Variants in PKD1 observed in about 807,000 individuals in gnomAD.
PKD1 encodes polycystin-1.
A neutral mutation model predicts 361.7 loss-of-function variants in PKD1; 81 were observed. The observed-to-expected ratio is 0.22, with a 90% confidence interval of 0.19 to 0.27. The LOEUF (loss-of-function observed/expected upper bound fraction) is 0.27. PKD1 is among the 10% of genes least tolerant of loss of function. The pLI is 1.00. For synonymous variants in PKD1, 3,615 were observed against 2,818.3 expected, an observed-to-expected ratio of 1.28 and a Z score of -8.95; for missense variants, 6,399 against 6,118.3, an observed-to-expected ratio of 1.05 and a Z score of -1.53.
chr16:2,112,321 T>C lies in PKD1; in HGVS notation c.3295+19A>G, dbSNP rs2092535572. 1 of 1,582,216 alleles carries C rather than the reference T, an allele frequency of 6.3e-7. No homozygotes were observed. The highest frequency in any genetic ancestry group is 8.5e-7 in the Non-Finnish European group (1 of 1,170,768). On this transcript the variant is annotated intron_variant, in intron 14 of 45. Coordinates refer to ENST00000262304, the MANE Select transcript of PKD1 (RefSeq NM_001009944.3). ...CAGAGCCTGAAAGGCAGTGGCCCCC[T>C]CACCCCCTCATCCCTCACCTGGGGC...
At position 2,110,097 on chromosome 16, in the gene PKD1, G is replaced by A. The variant is rs183090717; in HGVS notation, c.5070C>T (p.Ala1690=). 9.7e-5 allele frequency: 156 copies of A among 1,609,612 alleles called. No homozygotes were observed. Among genetic ancestry groups the A allele is most frequent in the Non-Finnish European group, 1.2e-4 (137 of 1,179,394 alleles). ...CCCGCAGCTGCACATGGTAGGTGCC[G>A]GCCTCGAGCACGGTGAGCGAGAAGC... The part of the protein sequence containing the change: ...GKGFSLTVLE[A]GTYHVQLRAT... Residue 1690 remains alanine, a synonymous_variant, in exon 15 of 46, where the codon GCC becomes GCT. Transcript: ENST00000262304.
chr16:2,124,469 A>G (rs529789357), intron 1 of PKD1, among the ~76,000 whole-genome samples: 1 of 152,316 alleles, frequency 6.6e-6, no homozygotes, highest in East Asian at 1.9e-4. Flanking sequence ...TCTGCCCCAC[A>G]GGCGCTCCTG....
chr16:2,110,682 G>A lies in PKD1; in HGVS notation c.4485C>T (p.Pro1495=), dbSNP rs578064441. 2.9e-5 allele frequency: 46 copies of A among 1,610,308 alleles called. No individual in the cohort carries two copies. Among genetic ancestry groups the A allele is most frequent in the Middle Eastern group, 2.3e-4 (1 of 4,442 alleles). ...CCCCCAGATCCCACAGGTAGCTGGC[G>A]GGGCGCCCACGGCCCACAGCAGAGA... ...YLFSAVGRGR[P]ASYLWDLGDG... Residue 1495 remains proline (P), a synonymous_variant, in exon 15 of 46, where the codon CCC becomes CCT. Transcript: ENST00000262304.
Position 2,109,126 on chromosome 16 carries a change from T to C in PKD1, c.6041A>G (p.Gln2014Arg), listed in dbSNP as rs562416414. The change falls in exon 15 of 46, where the codon CAG becomes CGG. Residue 2014 changes from glutamine to arginine, a missense_variant. Physicochemically the swap from Gln to Arg is conservative, Grantham distance 43. Transcript: ENST00000262304. Reference protein sequence around the residue: ...YAWYFSLQKVQGDSLVILSGR... With the variant: ...YAWYFSLQKVRGDSLVILSGR... ...CGACAGGATGACCAGCGAGTCGCCC[T>C]GGACCTTCTGCAGCGAGAAGTACCA... 2.0e-5 allele frequency: 32 copies of C among 1,603,270 alleles called. No individual in the cohort carries two copies. The African/African-American group carries it at 3.5e-4, about 17-fold the overall frequency.
chr16:2,127,056 C>G (rs2092808339), intron 1 of PKD1, among the ~76,000 whole-genome samples: 1 of 152,054 alleles, frequency 6.6e-6, no homozygotes, highest in South Asian at 2.1e-4. Flanking sequence ...TCAGAAGAGC[C>G]AACAGAAAGC....
chr16:2,093,011 C>A lies in PKD1; in HGVS notation c.11099G>T (p.Arg3700Leu), dbSNP rs141668965. 4 of 1,612,850 alleles carry A rather than the reference C, an allele frequency of 2.5e-6. No individual in the cohort carries two copies. The highest frequency in any genetic ancestry group is 3.4e-6 in the Non-Finnish European group (4 of 1,180,010). The change falls in exon 38 of 46, where the codon CGT becomes CTT. Residue 3700 changes from arginine (R) to leucine (L), a missense_variant. By Grantham distance (102) the Arg-to-Leu change is moderately radical. Transcript: ENST00000262304. The stretch of plus-strand genomic sequence containing the variant: ...CTCCTGCTTGATGGCGCTTTGCAGA[C>A]GGTAGGCGTGCCCATGGCATGAGGC... ...GDASCHGHAY[R>L]LQSAIKQELH...
intron 1 of PKD1, among the ~76,000 whole-genome samples, chr16:2,121,494 G>GA (rs1173198276): frequency 6.6e-6 from 1 of 152,164 alleles, no homozygotes; most frequent in Non-Finnish European, 1.5e-5. Flanking sequence ...ACAGCCGTAG[G>GA]AAAAACATCC....
At chr16:2,091,623 G>A (rs757941153) in intron 41 of PKD1, 26 bp from the exon 42 acceptor site, 17 of 1,562,664 alleles carry the variant, frequency 1.1e-5, no homozygotes, top group Non-Finnish European at 1.5e-5. Context: ...GGGTCAGTAG[G>A]AGCGGGTGGC....
At position 2,106,002 on chromosome 16, in the gene PKD1, C is replaced by G. The variant is rs1426305997; in HGVS notation, c.7726G>C (p.Glu2576Gln). Residue 2576 changes from glutamate (E) to glutamine (Q), a missense_variant, in exon 20 of 46, where the codon GAG becomes CAG. Transcript: ENST00000262304. The surrounding 1 kb of genome is among the most constrained non-coding windows in gnomAD (Gnocchi z 6.5). ...AGCCCCGTTGCGCTGCCGTTGGGCT[C>G]TGGGAGGGTGATGGCCAAAGACCTA... The part of the protein sequence containing the change: ...LNRSLAITLP[E>Q]PNGSATGLTV... The G allele has an allele frequency of 6.9e-6, 11 of 1,605,200 alleles. No individual in the cohort carries two copies. The highest frequency in any genetic ancestry group is 9.3e-6 in the Non-Finnish European group (11 of 1,179,636).
At chr16:2,093,349 TG>T in intron 37 of PKD1, 194 bp downstream of exon 37, 1 of 684,060 alleles carries the variant, frequency 1.5e-6, no homozygotes, top group Non-Finnish European at 2.5e-6. Flanking sequence ...GCATTGGAGC[TG>T]GGCCCTGGCA....
chr16:2,135,318 C>A, intron 1 of PKD1, 157 bp downstream of exon 1: 2 of 985,342 alleles, frequency 2.0e-6, no homozygotes, highest in Non-Finnish European at 1.2e-6. Context: ...AACCGCGGCT[C>A]CAGGCGTTCC....
At chr16:2,097,074 G>T in intron 34 of PKD1, 74 bp downstream of exon 34, 1 of 1,115,476 alleles carries the variant, frequency 9.0e-7, no homozygotes, top group Non-Finnish European at 1.3e-6. Context: ...CCCCAGGCGG[G>T]AACCACGGCT....
Position 2,107,789 on chromosome 16 carries a change from G to A in PKD1, c.7065+94C>T, listed in dbSNP as rs1267854152. On this transcript the variant is annotated intron_variant, in intron 16 of 45. Transcript: ENST00000262304. The stretch of plus-strand genomic sequence containing the variant: ...ATCAGAAACAGAGAGGGGAGAGCGT[G>A]CGGCCTCCACCAGCACTAAAACACG... 3 of 1,196,066 alleles carry A rather than the reference G, an allele frequency of 2.5e-6. No individual in the cohort carries two copies. In the African/African-American group the frequency reaches 4.5e-5, roughly 18 times the overall value. 74.1% of individuals were successfully genotyped at this position (1,196,066 alleles called of 1,614,324 possible).
Position 2,108,014 on chromosome 16 carries a change from C to T in PKD1, c.6934G>A (p.Ala2312Thr), listed in dbSNP as rs1173191327. The T allele has an allele frequency of 1.9e-6, 3 of 1,549,248 alleles. No individual in the cohort carries two copies. Among genetic ancestry groups the T allele is most frequent in the Admixed American group, 2.0e-5 (1 of 51,144 alleles). ...ASTQREAGGC[A>T]LNFGPRGSST... The stretch of plus-strand genomic sequence containing the variant: ...CTCCCGCGGGGCCCAAAGTTCAGCG[C>T]ACACCCGCCAGCCTCCCTCTGCAGG... The change falls in exon 16 of 46, where the codon GCG (alanine) becomes ACG (threonine). Residue 2312 changes from alanine to threonine, a missense_variant. Physicochemically the swap from Ala to Thr is moderately conservative, Grantham distance 58 (BLOSUM62 0). Coordinates refer to ENST00000262304, the MANE Select transcript of PKD1 (RefSeq NM_001009944.3).
At chr16:2,090,229 GCA>G in intron 45 of PKD1, 35 bp from the exon 46 acceptor site, 1 of 1,608,698 alleles carries the variant, frequency 6.2e-7, no homozygotes, top group Admixed American at 1.7e-5. Context: ...CAGTCCGGCT[GCA>G]CCCTGGGCAG....
chr16:2,091,946 T>G, intron 40 of PKD1, 40 bp from the exon 41 acceptor site: 1 of 1,611,712 alleles, frequency 6.2e-7, no homozygotes, highest in Middle Eastern at 1.7e-4. Context: ...ACCCCAGCCC[T>G]TCCGGCACCC....
chr16:2,095,772 C>T (rs1381024689), intron 34 of PKD1, among the ~76,000 whole-genome samples: 1 of 152,214 alleles, frequency 6.6e-6, no homozygotes, highest in African/African-American at 2.4e-5. Flanking sequence ...GTGAGGGCCA[C>T]GCGCTCTGTG....
Position 2,091,617 on chromosome 16 carries a change from CAGT to C in PKD1, c.11538-23_11538-21del. On this transcript the variant is annotated intron_variant, in intron 41 of 45. Transcript: ENST00000262304. ...CGGCTCCTGCGCAGAGGGTGCGGGT[CAGT>C]AGGAGCGGGTGGCAGGGCGGGAGCT... 1 of 1,562,268 alleles carries C rather than the reference CAGT, an allele frequency of 6.4e-7. No homozygotes were observed. Among genetic ancestry groups the C allele is most frequent in the African/African-American group, 1.3e-5 (1 of 74,174 alleles).
chr16:2,100,016 G>A lies in PKD1; in HGVS notation c.9768C>T (p.Gly3256=), dbSNP rs765971177. The A allele has an allele frequency of 6.4e-7, 1 of 1,574,068 alleles. No homozygotes were observed. The highest frequency in any genetic ancestry group is 1.1e-5 in the South Asian group (1 of 87,024). The part of the protein sequence containing the change: ...RRLLVAELQR[G]FFDKHIWLSI... Reference sequence around the variant, plus strand: ...AGAGCCAGATGTGCTTGTCAAAGAAGCCACGCTGCAGCTCAGCCACCAGCA... The same window carrying A: ...AGAGCCAGATGTGCTTGTCAAAGAAACCACGCTGCAGCTCAGCCACCAGCA... The change falls in exon 29 of 46, where the codon GGC becomes GGT. Residue 3256 remains glycine (G), a synonymous_variant. Transcript: ENST00000262304. This position sits in a 1 kb window ranked among gnomAD's most constrained non-coding sequence, Gnocchi z 4.4.
Sources: allele counts gnomAD v4.1 joint callset (sites outside exome capture counted in the v4.1 genomes callset), GRCh38; gene constraint gnomAD v4.1.1; non-coding constraint Gnocchi (gnomAD v3.1); transcripts MANE v1.5; gene names NCBI Gene and HGNC (gene_info 2026-07-23, HGNC 2026-07-21).